The following SH3GL2 variants were observed in gnomAD, a reference collection of about 807,000 sequenced individuals.
SH3GL2 encodes SH3 domain containing GRB2 like 2, endophilin A1.
SH3GL2 carries 24 observed loss-of-function variants against 46.0 expected under a neutral mutation model. The ratio of observed to expected loss-of-function variants is 0.52; its 90% confidence interval spans 0.38 to 0.73. The LOEUF (loss-of-function observed/expected upper bound fraction) is 0.73. Ranked by LOEUF, SH3GL2 falls within the 30% of genes least tolerant of loss-of-function variation. The probability of loss-of-function intolerance (pLI) is 0.00; values close to 1 mark genes in which losing one functional copy is unlikely to be tolerated. For synonymous variants in SH3GL2, 196 were observed against 147.1 expected, an observed-to-expected ratio of 1.33 and a Z score of -2.40; for missense variants, 413 against 424.2, an observed-to-expected ratio of 0.97 and a Z score of 0.23.
intron 2 of SH3GL2, 104 bp from the exon 3 acceptor site, chr9:17,761,333 G>T (rs753794870): frequency 1.3e-6 from 1 of 746,224 alleles, no homozygotes; most frequent in Non-Finnish European, 2.4e-6. Flanking sequence ...GGACTTGTCC[G>T]GGGCTCTGTT....
At chr9:17,685,240 T>C (rs1247014010) in intron 1 of SH3GL2, among the ~76,000 whole-genome samples, 1 of 152,012 alleles carries the variant, frequency 6.6e-6, no homozygotes, top group Non-Finnish European at 1.5e-5. Context: ...GCAAAATTCA[T>C]AGGACATGTT....
At chr9:17,736,951 C>G (rs977956292) in intron 1 of SH3GL2, among the ~76,000 whole-genome samples, 1 of 151,984 alleles carries the variant, frequency 6.6e-6, no homozygotes, top group African/African-American at 2.4e-5. Context: ...TGGAACCAAC[C>G]CAAATGCCCA....
At chr9:17,786,556 T>C in intron 4 of SH3GL2, 32 bp downstream of exon 4, 2 of 1,605,240 alleles carry the variant, frequency 1.2e-6, no homozygotes, top group Non-Finnish European at 1.7e-6. Flanking sequence ...TGTAATTCTT[T>C]CATTTGTCCA....
rs190800409 is a variant in SH3GL2, at chr9:17,646,860, C to G, written c.45+67573C>G. Among the ~76,000 whole-genome samples, 402 of 152,310 alleles carry G rather than the reference C, an allele frequency of 2.6e-3. 7 individuals carry two copies. Among genetic ancestry groups the G allele is most frequent in the South Asian group, 0.018 (87 of 4,822 alleles). On this transcript the variant is annotated intron_variant, in intron 1 of 8. Transcript: ENST00000380607. ...TCAGGAGGCACAGGGGTCAGGGACC[C>G]CACTTGAGGAGGCAGTCTGTCCGTT...
chr9:17,732,982 T>C (rs1822223825), intron 1 of SH3GL2, among the ~76,000 whole-genome samples: 1 of 152,116 alleles, frequency 6.6e-6, no homozygotes, highest in African/African-American at 2.4e-5. Flanking sequence ...GACCATAGCA[T>C]ACCTGGTCAC....
At chr9:17,783,930 T>G (rs187901899) in intron 3 of SH3GL2, among the ~76,000 whole-genome samples, 1 of 152,156 alleles carries the variant, frequency 6.6e-6, no homozygotes, top group Non-Finnish European at 1.5e-5. Flanking sequence ...TTTTCCAGGC[T>G]CACTCTCAGT....
At chr9:17,638,768 C>G (rs1269541640) in intron 1 of SH3GL2, among the ~76,000 whole-genome samples, 2 of 152,200 alleles carry the variant, frequency 1.3e-5, no homozygotes, top group African/African-American at 4.8e-5. Context: ...CTGCCAACCT[C>G]TCCTCAACAG....
At chr9:17,626,071 G>T (rs1441955753) in intron 1 of SH3GL2, among the ~76,000 whole-genome samples, 1 of 152,198 alleles carries the variant, frequency 6.6e-6, no homozygotes, top group African/African-American at 2.4e-5. Context: ...TGAGGCTGGG[G>T]AGGTGTCCAC....
chr9:17,722,568 C>T (rs1326782295), intron 1 of SH3GL2, among the ~76,000 whole-genome samples: 7 of 151,688 alleles, frequency 4.6e-5, no homozygotes, highest in Admixed American at 2.0e-4. Context: ...GGTACATGTG[C>T]ACAGTGTGCA....
chr9:17,644,429 A>G (rs1263288319), intron 1 of SH3GL2, among the ~76,000 whole-genome samples: 3 of 151,944 alleles, frequency 2.0e-5, no homozygotes, highest in African/African-American at 4.8e-5. Context: ...TAGGGTGTTG[A>G]TTTTAGATCT....
At chr9:17,581,681 T>G (rs1422675713) in intron 1 of SH3GL2, among the ~76,000 whole-genome samples, 1 of 152,004 alleles carries the variant, frequency 6.6e-6, no homozygotes, top group Non-Finnish European at 1.5e-5. Context: ...TAATATAGCC[T>G]GGGTTTGTTT....
At chr9:17,634,528 A>G (rs1473382605) in intron 1 of SH3GL2, among the ~76,000 whole-genome samples, 1 of 152,146 alleles carries the variant, frequency 6.6e-6, no homozygotes, top group Non-Finnish European at 1.5e-5. Flanking sequence ...TACCTCACTC[A>G]TTGTCAACCA....
At chr9:17,774,736 A>G (rs1026209632) in intron 3 of SH3GL2, among the ~76,000 whole-genome samples, 2 of 152,078 alleles carry the variant, frequency 1.3e-5, no homozygotes. Flanking sequence ...ATCGTAAGAG[A>G]TATTGGTCTG....
At position 17,673,147 on chromosome 9, in the gene SH3GL2, T is replaced by G. The variant is rs190374222; in HGVS notation, c.46-73919T>G. On this transcript the variant is annotated intron_variant, in intron 1 of 8. Coordinates refer to ENST00000380607, the MANE Select transcript of SH3GL2 (RefSeq NM_003026.5). Reference sequence around the variant, plus strand: ...TTAGAGTCTCTCACCTTGACTTTTTTTTTGTTTGTTTGTTTGTTTTTGAGA... The same window carrying G: ...TTAGAGTCTCTCACCTTGACTTTTTGTTTGTTTGTTTGTTTGTTTTTGAGA... 3.7e-3 allele frequency among the ~76,000 whole-genome samples: 556 copies of G among 152,038 alleles called. 2 individuals carry two copies. Among genetic ancestry groups the G allele is most frequent in the African/African-American group, 0.012 (499 of 41,452 alleles).
chr9:17,779,602 G>C (rs1823741137), intron 3 of SH3GL2, among the ~76,000 whole-genome samples: 1 of 152,128 alleles, frequency 6.6e-6, no homozygotes, highest in African/African-American at 2.4e-5. Flanking sequence ...GCTTAGAGTA[G>C]ACACCAATTA....
chr9:17,579,798 C>A (rs944274687), intron 1 of SH3GL2, among the ~76,000 whole-genome samples: 9 of 152,182 alleles, frequency 5.9e-5, no homozygotes, highest in East Asian at 1.9e-4. Context: ...CCTCCTTCCC[C>A]GCCGCCCGCA....
At chr9:17,714,153 T>TA (rs1487233689) in intron 1 of SH3GL2, among the ~76,000 whole-genome samples, 5 of 151,748 alleles carry the variant, frequency 3.3e-5, no homozygotes. Flanking sequence ...AAATAGTCCT[T>TA]ACTATGGTGT....
intron 1 of SH3GL2, among the ~76,000 whole-genome samples, chr9:17,592,213 C>G (rs561243837): frequency 3.9e-5 from 6 of 152,138 alleles, no homozygotes; most frequent in African/African-American, 1.4e-4. Context: ...GGAAGTCTTG[C>G]TTAAGAAAAG....
At chr9:17,626,734 T>C (rs1819289961) in intron 1 of SH3GL2, among the ~76,000 whole-genome samples, 1 of 152,182 alleles carries the variant, frequency 6.6e-6, no homozygotes, top group Non-Finnish European at 1.5e-5. Flanking sequence ...CTGCAGATTC[T>C]TGTGGACATT....
Sources: allele counts gnomAD v4.1 joint callset (sites outside exome capture counted in the v4.1 genomes callset), GRCh38; gene constraint gnomAD v4.1.1; transcripts MANE v1.5; gene names NCBI Gene and HGNC (gene_info 2026-07-23, HGNC 2026-07-21).